The following SUMF1 variants were observed in gnomAD, a reference collection of about 807,000 sequenced individuals.
SUMF1 encodes sulfatase modifying factor 1, also known as formylglycine-generating enzyme.
SUMF1 carries 48 observed loss-of-function variants against 47.6 expected under a neutral mutation model. The ratio of observed to expected loss-of-function variants is 1.01; its 90% CI spans 0.80 to 1.28. The LOEUF is 1.28. SUMF1 is among the 50% of genes most tolerant of loss of function. SUMF1 has a pLI of 0.00. For missense variants in SUMF1, 571 were observed against 485.4 expected (o/e 1.18, Z -1.66); for synonymous variants, 230 against 192.1 (o/e 1.20, Z -1.63).
At chr3:4,070,876 C>A (rs1225933074) in intron 8 of SUMF1, among the ~76,000 whole-genome samples, 2 of 151,988 alleles carry the variant, frequency 1.3e-5, no homozygotes, top group African/African-American at 4.8e-5. Flanking sequence ...CATGATCCAC[C>A]CACCTCGGCC....
At chr3:4,337,306 T>A (rs893184128) in intron 8 of SUMF1, among the ~76,000 whole-genome samples, 1 of 148,714 alleles carries the variant, frequency 6.7e-6, no homozygotes, top group African/African-American at 2.5e-5. Context: ...CAACCAGCTA[T>A]CCATCACCTC....
intron 8 of SUMF1, among the ~76,000 whole-genome samples, chr3:4,239,607 T>C (rs1696492130): frequency 6.6e-6 from 1 of 152,206 alleles, no homozygotes; most frequent in Admixed American, 6.5e-5. Context: ...TTGTGATTTC[T>C]GCACATTGAT....
chr3:4,191,418 A>G (rs1695312532), intron 8 of SUMF1, among the ~76,000 whole-genome samples: 2 of 152,172 alleles, frequency 1.3e-5, no homozygotes, highest in Non-Finnish European at 2.9e-5. Context: ...AAAAGGTTAC[A>G]TCATGTAGGT....
chr3:4,334,780 C>T (rs192601974), intron 8 of SUMF1, among the ~76,000 whole-genome samples: 1 of 152,298 alleles, frequency 6.6e-6, no homozygotes, highest in Non-Finnish European at 1.5e-5. Context: ...TTGTTGTTCC[C>T]AGATTAGGAA....
chr3:4,200,611 T>A (rs1695520088), intron 8 of SUMF1, among the ~76,000 whole-genome samples: 1 of 152,110 alleles, frequency 6.6e-6, no homozygotes, highest in Non-Finnish European at 1.5e-5. Context: ...GACCAAGCCA[T>A]GCTACTGCTT....
At chr3:4,172,926 C>T (rs934142800) in intron 8 of SUMF1, among the ~76,000 whole-genome samples, 1 of 152,136 alleles carries the variant, frequency 6.6e-6, no homozygotes, top group Non-Finnish European at 1.5e-5. Flanking sequence ...GAAGTCTTTG[C>T]CCATGCCTAT....
intron 7 of SUMF1, among the ~76,000 whole-genome samples, chr3:4,388,546 A>G (rs1700746426): frequency 3.3e-5 from 5 of 152,038 alleles, no homozygotes; most frequent in Admixed American, 3.3e-4. Flanking sequence ...ATATTTAAGC[A>G]ATGTACTTTT....
At chr3:4,305,782 G>C (rs1423144735) in intron 8 of SUMF1, among the ~76,000 whole-genome samples, 1 of 152,126 alleles carries the variant, frequency 6.6e-6, no homozygotes, top group African/African-American at 2.4e-5. Flanking sequence ...GTAGGAATTT[G>C]GGCAAGATAA....
intron 8 of SUMF1, among the ~76,000 whole-genome samples, chr3:4,367,773 G>A (rs533280841): frequency 0.064 from 9,716 of 151,890 alleles, 946 homozygotes; most frequent in African/African-American, 0.21. Flanking sequence ...TGGGAAACCT[G>A]GCTAGCCATA....
At chr3:4,250,724 G>A (rs1164440938) in intron 8 of SUMF1, among the ~76,000 whole-genome samples, 2 of 152,106 alleles carry the variant, frequency 1.3e-5, no homozygotes, top group Non-Finnish European at 2.9e-5. Context: ...TAAGAATTAT[G>A]CTAATTCTAA....
intron 8 of SUMF1, among the ~76,000 whole-genome samples, chr3:4,321,746 C>G (rs969729883): frequency 1.3e-5 from 2 of 151,990 alleles, no homozygotes; most frequent in South Asian, 4.2e-4. Context: ...TTTCTGCCCA[C>G]GAAAAGGGGG....
intron 8 of SUMF1, among the ~76,000 whole-genome samples, chr3:4,194,235 C>T (rs948027130): frequency 3.3e-5 from 5 of 152,098 alleles, no homozygotes; most frequent in African/African-American, 9.7e-5. Context: ...CTAGATACTA[C>T]CATATACTGG....
At chr3:4,297,010 C>T (rs310706) in intron 8 of SUMF1, among the ~76,000 whole-genome samples, 82,996 of 151,884 alleles carry the variant, frequency 0.55, 22,985 homozygotes, top group South Asian at 0.61. Flanking sequence ...CGGACTTTCC[C>T]CTGCTTCTCC....
intron 8 of SUMF1, among the ~76,000 whole-genome samples, chr3:4,274,213 A>G (rs1697367935): frequency 6.6e-6 from 1 of 152,144 alleles, no homozygotes; most frequent in Non-Finnish European, 1.5e-5. Context: ...CCTTCTACAC[A>G]TATACCTAGG....
chr3:4,125,960 A>G (rs899685125), intron 8 of SUMF1, among the ~76,000 whole-genome samples: 2 of 152,094 alleles, frequency 1.3e-5, no homozygotes, highest in African/African-American at 4.8e-5. Context: ...TATAGGCATG[A>G]GCCACCATGC....
At chr3:4,069,978 A>G (rs1175725181) in intron 8 of SUMF1, among the ~76,000 whole-genome samples, 2 of 152,192 alleles carry the variant, frequency 1.3e-5, no homozygotes, top group African/African-American at 4.8e-5. Context: ...GATAAGAAAC[A>G]TACAACCTGC....
At position 4,055,834 on chromosome 3, in the gene SUMF1, A is replaced by C. The variant is rs551788226; in HGVS notation, c.1191+12735T>G. Among the ~76,000 whole-genome samples the C allele has an allele frequency of 5.9e-5, 9 of 152,300 alleles. No homozygotes were observed. In the East Asian group the frequency reaches 1.7e-3, roughly 29 times the overall value. On this transcript the variant is annotated intron_variant and NMD_transcript_variant, in intron 9 of 12. Coordinates refer to the SUMF1 transcript ENST00000448413. ...TCTGAAATGGAGTTCACTGGGCTAT[A>C]ATCAAGGTGTTGGCAAGGCCATATT...
intron 8 of SUMF1, among the ~76,000 whole-genome samples, chr3:4,310,302 G>A (rs1383777472): frequency 6.6e-6 from 1 of 152,144 alleles, no homozygotes; most frequent in Non-Finnish European, 1.5e-5. Flanking sequence ...GTAAATACCT[G>A]AAAAGATGGG....
intron 8 of SUMF1, among the ~76,000 whole-genome samples, chr3:4,122,758 G>A (rs1693573471): frequency 1.3e-5 from 2 of 152,184 alleles, no homozygotes; most frequent in South Asian, 2.1e-4. Flanking sequence ...TAACTAGTAG[G>A]AGAGAAGCCA....
Sources: gnomAD v4.1 joint callset for allele counts (sites outside exome capture counted in the v4.1 genomes callset) on GRCh38, gnomAD v4.1.1 for gene constraint, MANE v1.5 for transcripts, NCBI Gene and HGNC (gene_info 2026-07-23, HGNC 2026-07-21) for gene names.